Variants in SHISA6 observed in about 807,000 individuals in gnomAD.
SHISA6 encodes the protein shisa family member 6.
Under a neutral mutation model 47.9 loss-of-function variants are expected in SHISA6, and 22 were observed. The observed-to-expected ratio is 0.46, with a 90% confidence interval of 0.33 to 0.66. The LOEUF is 0.66. Ranked by LOEUF, SHISA6 falls within the 30% of genes least tolerant of loss-of-function variation. SHISA6 has a pLI of 0.02. For synonymous variants in SHISA6, 388 were observed against 337.8 expected, an observed-to-expected ratio of 1.15 and a Z score of -1.63; for missense variants, 680 against 764.6, an observed-to-expected ratio of 0.89 and a Z score of 1.30.
At position 11,327,813 on chromosome 17, in the gene SHISA6, G is replaced by C. The variant is rs114293547; in HGVS notation, c.800-51601G>C. 9.3e-3 allele frequency among the ~76,000 whole-genome samples: 1,411 copies of C among 151,950 alleles called. 23 individuals carry two copies. The highest frequency in any genetic ancestry group is 0.032 in the African/African-American group (1,336 of 41,436). ...CTCCATCTCAAAACAAAACAAAACA[G>C]AACAAAACAAAAACACAAAACACTG... On this transcript the variant is annotated intron_variant, in intron 2 of 5. Coordinates refer to ENST00000441885, the MANE Select transcript of SHISA6 (RefSeq NM_207386.4).
chr17:11,448,442 G>A (rs1293172563), intron 3 of SHISA6, among the ~76,000 whole-genome samples: 1 of 151,688 alleles, frequency 6.6e-6, no homozygotes, highest in Non-Finnish European at 1.5e-5. Context: ...CGAAGTGGGA[G>A]AATGGCTTGA....
At chr17:11,505,548 G>A (rs866312781) in intron 3 of SHISA6, among the ~76,000 whole-genome samples, 8 of 152,274 alleles carry the variant, frequency 5.3e-5, no homozygotes, top group South Asian at 2.1e-4. Flanking sequence ...CTGGGAACCC[G>A]TCCTTTCCTT....
At chr17:11,276,701 A>G (rs1180780142) in intron 2 of SHISA6, among the ~76,000 whole-genome samples, 2 of 151,982 alleles carry the variant, frequency 1.3e-5, no homozygotes, top group Non-Finnish European at 2.9e-5. Flanking sequence ...CATCATCACC[A>G]TCACCACCAT....
At chr17:11,556,085 T>C (rs1277510695) in intron 5 of SHISA6, among the ~76,000 whole-genome samples, 193 bp downstream of exon 5, 2 of 152,170 alleles carry the variant, frequency 1.3e-5, no homozygotes, top group Admixed American at 6.5e-5. Flanking sequence ...ATTCTTTCCA[T>C]ACATAGAAAG....
rs148744501 is a variant in SHISA6, at chr17:11,413,225, C to T, written c.895+33716C>T. On this transcript the variant is annotated intron_variant, in intron 3 of 5. Coordinates refer to ENST00000441885, the MANE Select transcript of SHISA6 (RefSeq NM_207386.4). ...TGATTGCCATCACAGATCACCCTAA[C>T]TCCAGTCAGACTTTCGATGATACGT... 2.5e-3 allele frequency among the ~76,000 whole-genome samples: 387 copies of T among 152,308 alleles called. 4 individuals are homozygous for T. The highest frequency in any genetic ancestry group is 8.9e-3 in the African/African-American group (370 of 41,578).
chr17:11,418,932 C>T (rs1398780474), intron 3 of SHISA6, among the ~76,000 whole-genome samples: 1 of 152,126 alleles, frequency 6.6e-6, no homozygotes, highest in Non-Finnish European at 1.5e-5. Flanking sequence ...CATTCCTCTG[C>T]TTACCTGGCG....
intron 4 of SHISA6, among the ~76,000 whole-genome samples, chr17:11,552,794 T>C (rs780835243): frequency 7.4e-4 from 112 of 152,232 alleles, no homozygotes; most frequent in Admixed American, 1.2e-3. Flanking sequence ...TCATGTGCTA[T>C]GCTCCAGGTG....
At chr17:11,435,293 G>T (rs1914906148) in intron 3 of SHISA6, among the ~76,000 whole-genome samples, 1 of 152,106 alleles carries the variant, frequency 6.6e-6, no homozygotes. Context: ...ACATTTACTT[G>T]TAGGTCCCTA....
chr17:11,492,876 A>G (rs185813098), intron 3 of SHISA6, among the ~76,000 whole-genome samples: 17 of 152,160 alleles, frequency 1.1e-4, no homozygotes, highest in Non-Finnish European at 8.8e-5. Context: ...CACACAGTAC[A>G]CTTTCTTCAC....
chr17:11,369,071 G>A (rs1028817823), intron 2 of SHISA6, among the ~76,000 whole-genome samples: 26 of 152,210 alleles, frequency 1.7e-4, no homozygotes, highest in African/African-American at 5.5e-4. Flanking sequence ...CACACAGCTA[G>A]TCCCAGAACC....
chr17:11,312,161 T>C (rs979484697), intron 2 of SHISA6, among the ~76,000 whole-genome samples: 3 of 152,196 alleles, frequency 2.0e-5, no homozygotes, highest in South Asian at 2.1e-4. Flanking sequence ...TTAGGACTTA[T>C]TTATTACTTA....
rs145988605 is a variant in SHISA6 at position 11,450,186 on chromosome 17, G to A, written c.895+70677G>A. Among the ~76,000 whole-genome samples the A allele has an allele frequency of 2.4e-3, 360 of 151,734 alleles. 1 individual carries two copies. Among genetic ancestry groups the A allele is most frequent in the African/African-American group, 8.3e-3 (342 of 41,430 alleles). On this transcript the variant is annotated intron_variant, in intron 3 of 5. Coordinates refer to ENST00000441885, the MANE Select transcript of SHISA6 (RefSeq NM_207386.4). ...AGGCGTTGAGCCACCATGCCCAGCC[G>A]GATCTCTTCCTATAAGGACATGAAT...
At chr17:11,421,530 G>A (rs549030025) in intron 3 of SHISA6, among the ~76,000 whole-genome samples, 24 of 152,220 alleles carry the variant, frequency 1.6e-4, no homozygotes, top group African/African-American at 5.3e-4. Flanking sequence ...ATTACCATTC[G>A]CTGTCTCCAT....
At chr17:11,524,234 T>G (rs2071656420) in intron 3 of SHISA6, among the ~76,000 whole-genome samples, 1 of 152,066 alleles carries the variant, frequency 6.6e-6, no homozygotes, top group Non-Finnish European at 1.5e-5. Context: ...TATGAAAAGA[T>G]AACACCAAAA....
intron 2 of SHISA6, among the ~76,000 whole-genome samples, chr17:11,322,175 T>C (rs1299008438): frequency 6.6e-6 from 1 of 152,208 alleles, no homozygotes; most frequent in African/African-American, 2.4e-5. Context: ...CCATCCTTTG[T>C]CTATTGGTGA....
chr17:11,264,252 C>A (rs771069599), intron 2 of SHISA6, among the ~76,000 whole-genome samples: 10 of 152,138 alleles, frequency 6.6e-5, no homozygotes, highest in Non-Finnish European at 7.3e-5. Flanking sequence ...TGCCAAGAGT[C>A]ATGCTGAGCC....
At chr17:11,494,936 T>A (rs2071395715) in intron 3 of SHISA6, among the ~76,000 whole-genome samples, 1 of 152,100 alleles carries the variant, frequency 6.6e-6, no homozygotes, top group Non-Finnish European at 1.5e-5. Context: ...AAACTGCCCA[T>A]CACAGTACAG....
chr17:11,491,488 CG>C (rs1475381721), intron 3 of SHISA6, among the ~76,000 whole-genome samples: 16 of 151,912 alleles, frequency 1.1e-4, no homozygotes, highest in Admixed American at 1.1e-3. Flanking sequence ...TTTGTGGAGA[CG>C]GGGGTCTCAC....
chr17:11,412,605 G>A (rs1363609917), intron 3 of SHISA6, among the ~76,000 whole-genome samples: 1 of 151,404 alleles, frequency 6.6e-6, no homozygotes, highest in Non-Finnish European at 1.5e-5. Context: ...GCAGTGGCGC[G>A]ATCTTGGCTC....
Sources: gnomAD v4.1 joint callset for allele counts (sites outside exome capture counted in the v4.1 genomes callset) on GRCh38, gnomAD v4.1.1 for gene constraint, MANE v1.5 for transcripts, NCBI Gene and HGNC (gene_info 2026-07-23, HGNC 2026-07-21) for gene names.